The following PKNOX2 variants were observed in gnomAD, a reference collection of about 807,000 sequenced individuals.
The protein encoded by PKNOX2 is PBX/knotted 1 homeobox 2.
Under a neutral mutation model 53.1 loss-of-function variants are expected in PKNOX2, and 14 were observed. The observed-to-expected ratio is 0.26, with a 90% CI of 0.17 to 0.41. PKNOX2 has a LOEUF of 0.41. Ranked by LOEUF, PKNOX2 falls within the 10% of genes least tolerant of loss-of-function variation. The pLI is 1.00. For synonymous variants in PKNOX2, 257 were observed against 242.8 expected (o/e 1.06, Z -0.54); for missense variants, 496 against 602.8 (o/e 0.82, Z 1.85).
chr11:125,297,895 C>T (rs1202410639), intron 2 of PKNOX2, among the ~76,000 whole-genome samples: 1 of 152,204 alleles, frequency 6.6e-6, no homozygotes, highest in Admixed American at 6.5e-5. Flanking sequence ...CTCATTGTCA[C>T]ATTTCCATAA....
chr11:125,284,304 C>A (rs973489156), intron 2 of PKNOX2, among the ~76,000 whole-genome samples: 2 of 152,224 alleles, frequency 1.3e-5, no homozygotes, highest in Non-Finnish European at 2.9e-5. Flanking sequence ...CCTCTGGGAG[C>A]CCTTCCCTGA....
intron 1 of PKNOX2, among the ~76,000 whole-genome samples, chr11:125,201,834 G>A (rs1455254668): frequency 1.3e-5 from 2 of 152,138 alleles, no homozygotes; most frequent in Non-Finnish European, 1.5e-5. Flanking sequence ...TGCTGGGTAG[G>A]CATTTCCCCC....
At position 125,324,708 on chromosome 11, in the gene PKNOX2, G is replaced by C. The variant is rs996295021; in HGVS notation, c.-129-7111G>C. Among the ~76,000 whole-genome samples the C allele has an allele frequency of 5.3e-5, 8 of 152,324 alleles. No individual in the cohort carries two copies. In the East Asian group the frequency reaches 9.6e-4, roughly 18 times the overall value. On this transcript the variant is annotated intron_variant, in intron 2 of 12. Coordinates refer to ENST00000298282, the MANE Select transcript of PKNOX2 (RefSeq NM_001382323.2). Reference sequence around the variant, plus strand: ...GAGCTGAGATGTGGCTGTGGAGATGGAAAGGAAGAAAATGTAGCTCACTCT... The same window carrying C: ...GAGCTGAGATGTGGCTGTGGAGATGCAAAGGAAGAAAATGTAGCTCACTCT...
rs574796743 is a variant in PKNOX2 at position 125,288,460 on chromosome 11, A to G, written c.-129-43359A>G. 2.6e-3 allele frequency among the ~76,000 whole-genome samples: 392 copies of G among 152,342 alleles called. 3 individuals are homozygous for G. Among genetic ancestry groups the G allele is most frequent in the African/African-American group, 8.9e-3 (370 of 41,572 alleles). Reference sequence around the variant, plus strand: ...CCTGATTGAGGCCGTGGTGAGCCCGAGGTCACACAGTCAGAACTGAAGACC... The same window carrying G: ...CCTGATTGAGGCCGTGGTGAGCCCGGGGTCACACAGTCAGAACTGAAGACC... On this transcript the variant is annotated intron_variant, in intron 2 of 12. Coordinates refer to ENST00000298282, the MANE Select transcript of PKNOX2 (RefSeq NM_001382323.2).
intron 3 of PKNOX2, among the ~76,000 whole-genome samples, chr11:125,346,566 T>C (rs1256340880): frequency 1.3e-5 from 2 of 152,124 alleles, no homozygotes; most frequent in African/African-American, 4.8e-5. Flanking sequence ...CCCTGTGAAT[T>C]CCCTCATCCA....
intron 1 of PKNOX2, among the ~76,000 whole-genome samples, chr11:125,169,129 T>C (rs1016295459): frequency 1.3e-5 from 2 of 152,202 alleles, no homozygotes; most frequent in Non-Finnish European, 2.9e-5. Context: ...TGACGGCATG[T>C]GAAGCCAAGT....
Position 125,318,092 on chromosome 11 carries a change from C to T in PKNOX2, c.-129-13727C>T, listed in dbSNP as rs143667058. Reference sequence around the variant, plus strand: ...TTTAAACCTCATAAACCAACCTCTGCTATCTTCCAACTTTTATTTTTTAAT... The same window carrying T: ...TTTAAACCTCATAAACCAACCTCTGTTATCTTCCAACTTTTATTTTTTAAT... On this transcript the variant is annotated intron_variant, in intron 2 of 12. Transcript: ENST00000298282. Among the ~76,000 whole-genome samples the T allele has an allele frequency of 3.3e-5, 5 of 152,112 alleles. No homozygotes were observed. In the East Asian group the frequency reaches 7.7e-4, roughly 24 times the overall value.
At chr11:125,223,522 G>A (rs1011382511) in intron 1 of PKNOX2, among the ~76,000 whole-genome samples, 9 of 152,290 alleles carry the variant, frequency 5.9e-5, no homozygotes, top group African/African-American at 2.2e-4. Context: ...GAGCCACCAC[G>A]CCCAGCCCTC....
chr11:125,286,042 G>A (rs1946874276), intron 2 of PKNOX2, among the ~76,000 whole-genome samples: 1 of 152,152 alleles, frequency 6.6e-6, no homozygotes, highest in Non-Finnish European at 1.5e-5. Context: ...GTCCTGGTGT[G>A]TAGGGCGTAA....
intron 1 of PKNOX2, among the ~76,000 whole-genome samples, chr11:125,169,934 C>T (rs185090602): frequency 2.6e-5 from 4 of 152,318 alleles, no homozygotes; most frequent in East Asian, 1.9e-4. Context: ...GGATCCAGCC[C>T]GCTTCTTCCA....
At chr11:125,382,899 T>C (rs1031981529) in intron 5 of PKNOX2, among the ~76,000 whole-genome samples, 5 of 152,172 alleles carry the variant, frequency 3.3e-5, no homozygotes, top group African/African-American at 1.2e-4. Flanking sequence ...TCCTGGCAGT[T>C]TGGGGCAGCA....
At chr11:125,269,004 C>A (rs1385875732) in intron 2 of PKNOX2, among the ~76,000 whole-genome samples, 2 of 152,110 alleles carry the variant, frequency 1.3e-5, no homozygotes, top group African/African-American at 4.8e-5. Flanking sequence ...TCTCATGCCC[C>A]TTTTTACCTA....
rs567788659 is a variant in PKNOX2, at chr11:125,201,784, C to A, written c.-200-33261C>A. Among the ~76,000 whole-genome samples, 23 of 152,332 alleles carry A rather than the reference C, an allele frequency of 1.5e-4. No individual in the cohort carries two copies. In the South Asian group the frequency reaches 4.8e-3, roughly 32 times the overall value. On this transcript the variant is annotated intron_variant, in intron 1 of 12. Coordinates refer to ENST00000298282, the MANE Select transcript of PKNOX2 (RefSeq NM_001382323.2). Reference sequence around the variant, plus strand: ...CTTCCTTCAAGGTTTTCTTCCAGAGCCTTATCTCAGGCACTCCTGGCTCCT... The same window carrying A: ...CTTCCTTCAAGGTTTTCTTCCAGAGACTTATCTCAGGCACTCCTGGCTCCT...
chr11:125,207,356 G>A (rs1356932207), intron 1 of PKNOX2, among the ~76,000 whole-genome samples: 2 of 151,928 alleles, frequency 1.3e-5, no homozygotes, highest in Non-Finnish European at 2.9e-5. Flanking sequence ...ACACATTCAA[G>A]AATATGGCTG....
intron 4 of PKNOX2, among the ~76,000 whole-genome samples, chr11:125,351,724 G>T (rs1320888754): frequency 1.3e-5 from 2 of 152,052 alleles, no homozygotes; most frequent in African/African-American, 4.8e-5. Flanking sequence ...ATCCACAGTG[G>T]GGGAGACCCA....
chr11:125,363,695 G>C (rs535185252), intron 4 of PKNOX2, among the ~76,000 whole-genome samples: 2 of 152,338 alleles, frequency 1.3e-5, no homozygotes, highest in Admixed American at 6.5e-5. Context: ...GGAGTGGCCA[G>C]TTCTGAGACC....
At chr11:125,401,100 G>A (rs1300457214) in intron 7 of PKNOX2, among the ~76,000 whole-genome samples, 1 of 152,102 alleles carries the variant, frequency 6.6e-6, no homozygotes, top group Non-Finnish European at 1.5e-5. Context: ...GGGGCAAGGG[G>A]AAGCCAAAGG....
At chr11:125,382,451 T>C (rs1953316116) in intron 5 of PKNOX2, among the ~76,000 whole-genome samples, 1 of 152,228 alleles carries the variant, frequency 6.6e-6, no homozygotes, top group South Asian at 2.1e-4. Flanking sequence ...CCTGGCACGA[T>C]GCTGCGGATT....
At chr11:125,411,917 C>A in intron 10 of PKNOX2, 52 bp downstream of exon 10, 1 of 1,610,272 alleles carries the variant, frequency 6.2e-7, no homozygotes, top group Non-Finnish European at 8.5e-7. Context: ...GTATGAATAA[C>A]CCACCGTGTG....
Sources: allele counts gnomAD v4.1 joint callset (sites outside exome capture counted in the v4.1 genomes callset), GRCh38; gene constraint gnomAD v4.1.1; transcripts MANE v1.5; gene names NCBI Gene and HGNC (gene_info 2026-07-23, HGNC 2026-07-21).